Variants in MYO18B observed in about 807,000 individuals in gnomAD.
MYO18B encodes the protein unconventional myosin-XVIIIb.
In MYO18B, 204 loss-of-function variants were observed where a neutral mutation model predicts 273.0. That is an observed-to-expected ratio of 0.75 (90% CI 0.67 to 0.84). MYO18B has a LOEUF of 0.84. MYO18B is among the 40% of genes least tolerant of loss of function. The pLI, the probability that MYO18B is intolerant of heterozygous loss-of-function variation, is 0.00. For synonymous variants in MYO18B, 1,330 were observed against 1,305.7 expected (o/e 1.02, Z -0.40); for missense variants, 3,212 against 3,287.6 (o/e 0.98, Z 0.56).
intron 39 of MYO18B, among the ~76,000 whole-genome samples, chr22:25,963,387 G>A (rs1244741526): frequency 1.3e-5 from 2 of 151,610 alleles, no homozygotes. Flanking sequence ...CTCTAGGGGA[G>A]AATCCTTCCT....
chr22:25,844,262 G>A (rs1237883414), intron 18 of MYO18B, among the ~76,000 whole-genome samples: 5 of 152,188 alleles, frequency 3.3e-5, no homozygotes, highest in East Asian at 1.9e-4. Context: ...GTTTTGTAGC[G>A]TTAAAAAAAA....
At chr22:26,020,369 C>G (rs1420772249) in intron 42 of MYO18B, among the ~76,000 whole-genome samples, 1 of 152,010 alleles carries the variant, frequency 6.6e-6, no homozygotes, top group East Asian at 1.9e-4. Context: ...GACACTGTCT[C>G]AGACACTAGC....
At chr22:25,851,902 C>A (rs1472514720) in intron 21 of MYO18B, among the ~76,000 whole-genome samples, 1 of 152,186 alleles carries the variant, frequency 6.6e-6, no homozygotes, top group Non-Finnish European at 1.5e-5. Flanking sequence ...GACCAAACCC[C>A]CACAACAATG....
chr22:25,986,910 A>G (rs1273893586), intron 39 of MYO18B, among the ~76,000 whole-genome samples: 1 of 152,210 alleles, frequency 6.6e-6, no homozygotes, highest in Admixed American at 6.5e-5. Flanking sequence ...GTTTATATAT[A>G]TTTATAATAG....
intron 17 of MYO18B, among the ~76,000 whole-genome samples, chr22:25,836,455 T>G (rs2089903749): frequency 6.6e-6 from 1 of 152,148 alleles, no homozygotes; most frequent in Non-Finnish European, 1.5e-5. Context: ...GAGTGTTGCA[T>G]GTACTGCACT....
Position 25,777,608 on chromosome 22 carries a change from T to C in MYO18B, c.1895T>C (p.Leu632Pro). 1 of 1,600,598 alleles carries C rather than the reference T, an allele frequency of 6.2e-7. No homozygotes were observed. The highest frequency in any genetic ancestry group is 8.5e-7 in the Non-Finnish European group (1 of 1,173,800). Residue 632 changes from leucine to proline, a missense_variant, in exon 8 of 44, where the codon CTG becomes CCG. Leu to Pro is a moderately conservative substitution (Grantham distance 98). Transcript: ENST00000335473. ...GKVPKGRRDGLPAHIGSMAQR... is the reference protein window; with the variant it reads ...GKVPKGRRDGPPAHIGSMAQR... ...GTGCCCAAGGGCCGCCGGGATGGCC[T>C]GCCTGCCCACATTGGCTCCATGGCA...
At chr22:25,872,357 G>C (rs957846388) in intron 22 of MYO18B, among the ~76,000 whole-genome samples, 1 of 152,190 alleles carries the variant, frequency 6.6e-6, no homozygotes, top group African/African-American at 2.4e-5. Flanking sequence ...ATAAGAAAAG[G>C]CAGCTTCATG....
At chr22:25,868,933 C>T (rs984117266) in intron 22 of MYO18B, among the ~76,000 whole-genome samples, 2 of 152,184 alleles carry the variant, frequency 1.3e-5, no homozygotes, top group African/African-American at 4.8e-5. Flanking sequence ...CACACTTCCC[C>T]GATATGCTTA....
chr22:25,765,067 GCGCTGGTGTCA>G (rs2086458000), intron 3 of MYO18B, among the ~76,000 whole-genome samples: 1 of 152,126 alleles, frequency 6.6e-6, no homozygotes, highest in Non-Finnish European at 1.5e-5. Context: ...GACACCAGCA[GCGCTGGTGTCA>G]CTGTGAGCAA....
chr22:25,813,183 CCT>C (rs2145838615), intron 12 of MYO18B, among the ~76,000 whole-genome samples: 4 of 111,512 alleles, frequency 3.6e-5, no homozygotes, highest in Non-Finnish European at 7.0e-5. Context: ...TCTTCTTCTT[CCT>C]TTTTTTTTTT....
intron 39 of MYO18B, among the ~76,000 whole-genome samples, chr22:25,987,555 C>T (rs1195018181): frequency 5.9e-5 from 9 of 151,996 alleles, no homozygotes; most frequent in South Asian, 2.1e-4. Flanking sequence ...TTCCCTCATT[C>T]GCCACTAATA....
In MYO18B at chr22:26,026,961, CT is replaced by C; in HGVS notation, c.6988del (p.Ser2330LeufsTer26). Reference protein sequence around the residue: ...LLRSTSLKCISSDGVGGTTLL... With the variant: ...LLRSTSLKCIXSDGVGGTTLL... ...TGAGGTCCACCAGCCTCAAATGCATCTCTTCAGACGGTGTTGGGGGCACAAC... is the reference window on the plus strand; with the variant it reads ...TGAGGTCCACCAGCCTCAAATGCATCCTTCAGACGGTGTTGGGGGCACAAC... On this transcript the variant is annotated frameshift_variant, in exon 43 of 44. Transcript: ENST00000335473. LOFTEE classifies it high-confidence loss of function. 6.2e-7 allele frequency: 1 copy of C among 1,613,894 alleles called. No individual in the cohort carries two copies. The highest frequency in any genetic ancestry group is 8.5e-7 in the Non-Finnish European group (1 of 1,179,880).
chr22:25,928,648 A>G (rs2092455079), intron 34 of MYO18B, among the ~76,000 whole-genome samples: 1 of 152,068 alleles, frequency 6.6e-6, no homozygotes, highest in African/African-American at 2.4e-5. Flanking sequence ...CTGAGGCTTA[A>G]AACCCTCCTG....
At position 25,793,292 on chromosome 22, in the gene MYO18B, T is replaced by C. The variant is rs374717340; in HGVS notation, c.2377-4661T>C. Among the ~76,000 whole-genome samples, 213 of 152,286 alleles carry C rather than the reference T, an allele frequency of 1.4e-3. 9 individuals carry two copies. In the South Asian group the frequency reaches 0.043, roughly 31 times the overall value. The stretch of plus-strand genomic sequence containing the variant: ...TTCTGTCATCCAGGATGGAGTGCAG[T>C]AGTGGGATCATAGCTCACTGCAGCC... On this transcript the variant is annotated intron_variant, in intron 11 of 43. Transcript: ENST00000335473.
At chr22:25,937,836 C>T (rs922122529) in intron 34 of MYO18B, among the ~76,000 whole-genome samples, 2 of 152,142 alleles carry the variant, frequency 1.3e-5, no homozygotes, top group East Asian at 1.9e-4. Context: ...CTGCATGCCT[C>T]GGCCTTCCAA....
chr22:26,027,258 C>G lies in MYO18B; in HGVS notation c.7284C>G (p.Leu2428=). Residue 2428 remains leucine, a synonymous_variant, in exon 43 of 44, where the codon CTC becomes CTG. Transcript: ENST00000335473. The surrounding 1 kb of genome is among the most constrained non-coding windows in gnomAD (Gnocchi z 4.1). ...PLGSDPFSWK[L]PSLDYERKTK... ...GCAGTGACCCATTCAGCTGGAAACTCCCAAGCCTCGACTACGAACGCAAGA... is the reference window on the plus strand; with the variant it reads ...GCAGTGACCCATTCAGCTGGAAACTGCCAAGCCTCGACTACGAACGCAAGA... 1 of 1,613,994 alleles carries G rather than the reference C, an allele frequency of 6.2e-7. No homozygotes were observed. The highest frequency in any genetic ancestry group is 8.5e-7 in the Non-Finnish European group (1 of 1,179,894).
At chr22:25,860,239 T>G (rs1233904099) in intron 21 of MYO18B, among the ~76,000 whole-genome samples, 1 of 152,196 alleles carries the variant, frequency 6.6e-6, no homozygotes, top group Non-Finnish European at 1.5e-5. Context: ...CTTTATTCCT[T>G]GGTCAGTGTA....
the MYO18B span, among the ~76,000 whole-genome samples, chr22:26,056,474 C>T: frequency 1.3e-5 from 2 of 152,134 alleles, no homozygotes; most frequent in East Asian, 1.9e-4. Context: ...ACAAAGGAGA[C>T]CTGTTGGTTT....
the MYO18B span, among the ~76,000 whole-genome samples, chr22:26,043,203 G>A: frequency 2.0e-5 from 3 of 152,024 alleles, no homozygotes; most frequent in South Asian, 6.2e-4. Context: ...AAACATTTTT[G>A]AGATTCATCA....
Sources: gnomAD v4.1 joint callset for allele counts (sites outside exome capture counted in the v4.1 genomes callset) on GRCh38, gnomAD v4.1.1 for gene constraint, Gnocchi (gnomAD v3.1) non-coding constraint, MANE v1.5 for transcripts, NCBI Gene and HGNC (gene_info 2026-07-23, HGNC 2026-07-21) for gene names.